The following TAF12 variants were observed in gnomAD, a reference collection of about 807,000 sequenced individuals.
TAF12 encodes the protein transcription initiation factor TFIID subunit 12.
A neutral mutation model predicts 20.8 loss-of-function variants in TAF12; 3 were observed. The ratio of observed to expected loss-of-function variants is 0.14; its 90% confidence interval spans 0.07 to 0.37. TAF12 has a LOEUF of 0.37. Among genes scored for constraint, TAF12 ranks in the 10% least tolerant of loss-of-function variants. The probability of loss-of-function intolerance (pLI) is 1.00; values close to 1 mark genes in which losing one functional copy is unlikely to be tolerated. For missense variants in TAF12, 131 were observed against 197.9 expected (o/e 0.66, Z 2.03); for synonymous variants, 69 against 70.2 (o/e 0.98, Z 0.09).
chr1:28,603,433 C>T lies in TAF12; in HGVS notation c.*106G>A. 8.5e-7 allele frequency: 1 copy of T among 1,175,318 alleles called. No individual in the cohort carries two copies. 72.8% of individuals were successfully genotyped at this position (1,175,318 alleles called of 1,614,324 possible). ...CTGCACTGTTAATAAAAAATATATGCTTCTCTGTAAAGCATTAAAAAAAAA... is the reference window on the plus strand; with the variant it reads ...CTGCACTGTTAATAAAAAATATATGTTTCTCTGTAAAGCATTAAAAAAAAA... On this transcript the variant is annotated 3_prime_UTR_variant, in exon 6 of 6. Transcript: ENST00000373824.
At chr1:28,627,517 C>A (rs1667449335) in intron 1 of TAF12, among the ~76,000 whole-genome samples, 1 of 151,238 alleles carries the variant, frequency 6.6e-6, no homozygotes, top group Admixed American at 6.6e-5. Flanking sequence ...CACGGTGAAA[C>A]CCTGTCTCTA....
At position 28,616,677 on chromosome 1, in the gene TAF12, G is replaced by A. The variant is rs554953063; in HGVS notation, c.246+1276C>T. Among the ~76,000 whole-genome samples the A allele has an allele frequency of 1.0e-3, 157 of 149,970 alleles. 1 individual carries two copies. Among genetic ancestry groups the A allele is most frequent in the Admixed American group, 0.01 (154 of 14,940 alleles). On this transcript the variant is annotated intron_variant, in intron 3 of 5. Transcript: ENST00000373824. The stretch of plus-strand genomic sequence containing the variant: ...TGAACCCCCGGGATGCAGAGGTTGC[G>A]GTAAGCTGAGATCCTGCCACTATAC...
upstream of TAF12, among the ~76,000 whole-genome samples, chr1:28,647,131 G>A (rs532785221): frequency 2.2e-4 from 34 of 152,076 alleles, no homozygotes; most frequent in African/African-American, 8.0e-4. Flanking sequence ...ACCATGCCTG[G>A]CCTGAAAACA....
chr1:28,615,382 A>G (rs964107465), intron 3 of TAF12, among the ~76,000 whole-genome samples: 12 of 152,082 alleles, frequency 7.9e-5, no homozygotes, highest in African/African-American at 2.7e-4. Context: ...CCATTAAAAT[A>G]AGTTAAAAAA....
In TAF12 at chr1:28,621,922, T is replaced by G; in HGVS notation, c.160A>C (p.Asn54His). 6.2e-7 allele frequency: 1 copy of G among 1,613,214 alleles called. No homozygotes were observed. The highest frequency in any genetic ancestry group is 2.2e-5 in the East Asian group (1 of 44,846). ...GAGTAAGAGGATGATACCTGATTGT[T>G]TTCAGGGCTAAGACGACCTCCTGCC... ...PGAGGRLSPE[N>H]NQVLTKKKLQ... Residue 54 changes from asparagine to histidine, a missense_variant, in exon 2 of 6, where the codon AAC (asparagine) becomes CAC (histidine). Asn to His is a moderately conservative substitution (Grantham distance 68). Coordinates refer to ENST00000373824, the MANE Select transcript of TAF12 (RefSeq NM_005644.4).
At chr1:28,637,909 G>A (rs777923725) in intron 1 of TAF12, among the ~76,000 whole-genome samples, 3 of 152,078 alleles carry the variant, frequency 2.0e-5, no homozygotes, top group African/African-American at 4.8e-5. Flanking sequence ...CCAGCACTTC[G>A]GGAGGCAGAT....
chr1:28,628,314 G>A (rs75868490), intron 1 of TAF12, among the ~76,000 whole-genome samples: 3 of 144,444 alleles, frequency 2.1e-5, no homozygotes, highest in Non-Finnish European at 3.0e-5. Context: ...GCAGTGAGCC[G>A]AGATTGCGCC....
At chr1:28,642,836 G>A in intron 1 of TAF12, 156 bp downstream of exon 1, 1 of 985,242 alleles carries the variant, frequency 1.0e-6, no homozygotes, top group Non-Finnish European at 1.2e-6. Flanking sequence ...TCTTCTCCGA[G>A]CCTGATCCTC....
intron 1 of TAF12, among the ~76,000 whole-genome samples, chr1:28,635,549 C>T (rs1259421708): frequency 3.3e-5 from 5 of 151,614 alleles, no homozygotes; most frequent in African/African-American, 4.8e-5. Context: ...TCATGATCTG[C>T]CCACCTCGGC....
rs114394231 is a variant in TAF12, at chr1:28,643,027, A to C, written c.-120T>G. The C allele has an allele frequency of 7.9e-3, 7,787 of 985,832 alleles. 43 individuals carry two copies. The highest frequency in any genetic ancestry group is 0.022 in the Middle Eastern group (43 of 1,914). The allele number at this position is 985,832 out of a possible 1,614,324, so 61.1% of individuals were successfully genotyped here. On this transcript the variant is annotated 5_prime_UTR_variant, in exon 1 of 6. Coordinates refer to ENST00000373824, the MANE Select transcript of TAF12 (RefSeq NM_005644.4). ...GTCTATCTCCCCATGATATGCAGAG[A>C]CTGCCCCAGTGAAGCGTTCGTCTCA...
upstream of TAF12, among the ~76,000 whole-genome samples, chr1:28,647,701 C>T (rs1000371673): frequency 1.3e-5 from 2 of 152,028 alleles, no homozygotes; most frequent in South Asian, 2.1e-4. Flanking sequence ...GTGAAACCCC[C>T]GTCTCTACTA....
chr1:28,647,206 C>G (rs894953000), upstream of TAF12, among the ~76,000 whole-genome samples: 1 of 152,140 alleles, frequency 6.6e-6, no homozygotes, highest in Non-Finnish European at 1.5e-5. Flanking sequence ...AAACACTAAA[C>G]TGTTCACAGT....
intron 4 of TAF12, among the ~76,000 whole-genome samples, chr1:28,608,680 G>A (rs1241152100): frequency 1.3e-5 from 2 of 151,536 alleles, no homozygotes; most frequent in Non-Finnish European, 2.9e-5. Context: ...GCTTGAACCC[G>A]GGAGGCAGAG....
chr1:28,615,678 CAAAAAAAAAAAAAAA>C (rs57536422), intron 3 of TAF12, among the ~76,000 whole-genome samples: 14 of 34,498 alleles, frequency 4.1e-4, no homozygotes, highest in South Asian at 3.1e-3. Flanking sequence ...GACTCCGTCT[CAAAAAAAAAAAAAAA>C]AAAAAAAAAA....
upstream of TAF12, among the ~76,000 whole-genome samples, chr1:28,644,830 T>C (rs1327314603): frequency 1.3e-5 from 2 of 152,188 alleles, no homozygotes; most frequent in South Asian, 2.1e-4. Context: ...CCTTTTAGCC[T>C]AGACTATGAT....
chr1:28,647,564 A>G (rs540710659), upstream of TAF12, among the ~76,000 whole-genome samples: 19 of 152,250 alleles, frequency 1.2e-4, no homozygotes, highest in East Asian at 3.7e-3. Flanking sequence ...GCACCCGTCC[A>G]TCATTATCCA....
At chr1:28,605,292 A>G in intron 5 of TAF12, 80 bp downstream of exon 5, 1 of 1,458,038 alleles carries the variant, frequency 6.9e-7, no homozygotes, top group Non-Finnish European at 9.6e-7. Context: ...GCCCCCTAGA[A>G]GGTAGCTGTG....
In TAF12 at chr1:28,603,084, AGG is replaced by A. The variant is rs1666557612; in HGVS notation, c.*453_*454del. On this transcript the variant is annotated 3_prime_UTR_variant, in exon 6 of 6. Coordinates refer to ENST00000373824, the MANE Select transcript of TAF12 (RefSeq NM_005644.4). Reference sequence around the variant, plus strand: ...GTCCTGACTCCCTCTGGGATTTCAAAGGTACCCTGTCTTTCGATTAATAACTT... The same window carrying A: ...GTCCTGACTCCCTCTGGGATTTCAAATACCCTGTCTTTCGATTAATAACTT... 1 of 154,246 alleles carries A rather than the reference AGG, an allele frequency of 6.5e-6. No homozygotes were observed. The highest frequency in any genetic ancestry group is 6.5e-5 in the Admixed American group (1 of 15,480). 9.6% of individuals were successfully genotyped at this position (154,246 alleles called of 1,614,324 possible).
intron 2 of TAF12, among the ~76,000 whole-genome samples, chr1:28,620,765 G>A (rs1000740957): frequency 6.6e-6 from 1 of 152,054 alleles, no homozygotes; most frequent in African/African-American, 2.4e-5. Flanking sequence ...AGTGAGCTAT[G>A]ATTATACCAT....
Sources: gnomAD v4.1 joint callset for allele counts (sites outside exome capture counted in the v4.1 genomes callset) on GRCh38, gnomAD v4.1.1 for gene constraint, MANE v1.5 for transcripts, NCBI Gene and HGNC (gene_info 2026-07-23, HGNC 2026-07-21) for gene names.